FOXJ3: variants seen among roughly 807,000 people sequenced by gnomAD.
FOXJ3 encodes the protein forkhead box J3.
In FOXJ3, 22 loss-of-function variants were observed where a neutral mutation model predicts 76.1. The observed-to-expected ratio is 0.29, with a 90% confidence interval of 0.21 to 0.41. The LOEUF (loss-of-function observed/expected upper bound fraction) is 0.41, where lower values mean the gene tolerates loss of function less well. Ranked by LOEUF, FOXJ3 falls within the 10% of genes least tolerant of loss-of-function variation. The pLI, the probability that FOXJ3 is intolerant of heterozygous loss-of-function variation, is 1.00. For synonymous variants in FOXJ3, 269 were observed against 261.2 expected (o/e 1.03, Z -0.29); for missense variants, 613 against 762.1 (o/e 0.80, Z 2.30).
At chr1:42,333,194 A>G (rs114774978) in intron 1 of FOXJ3, among the ~76,000 whole-genome samples, 1 of 152,194 alleles carries the variant, frequency 6.6e-6, no homozygotes, top group Non-Finnish European at 1.5e-5. Context: ...CTATATTTAA[A>G]TATTTTCATT....
chr1:42,292,922 G>A (rs1449043569), intron 2 of FOXJ3, among the ~76,000 whole-genome samples: 2 of 152,114 alleles, frequency 1.3e-5, no homozygotes, highest in Admixed American at 6.5e-5. Context: ...GCAACATGGT[G>A]AAATCCATTT....
At chr1:42,188,549 C>T (rs762445461) in intron 11 of FOXJ3, among the ~76,000 whole-genome samples, 188 bp downstream of exon 11, 19 of 152,124 alleles carry the variant, frequency 1.2e-4, no homozygotes, top group Non-Finnish European at 2.1e-4. Flanking sequence ...AAAACATAGT[C>T]TCATTACCTC....
chr1:42,243,324 G>T (rs1211378116), intron 4 of FOXJ3, among the ~76,000 whole-genome samples: 1 of 152,040 alleles, frequency 6.6e-6, no homozygotes, highest in African/African-American at 2.4e-5. Flanking sequence ...CCACCAAATT[G>T]CAATAATAAG....
intron 4 of FOXJ3, among the ~76,000 whole-genome samples, chr1:42,264,110 G>C (rs1651290659): frequency 6.6e-6 from 1 of 151,300 alleles, no homozygotes; most frequent in Non-Finnish European, 1.5e-5. Flanking sequence ...CTGAAGTATG[G>C]GGAAACAAAA....
intron 1 of FOXJ3, among the ~76,000 whole-genome samples, chr1:42,328,932 G>A (rs2124794016): frequency 6.6e-6 from 1 of 152,202 alleles, no homozygotes; most frequent in Middle Eastern, 3.4e-3. Flanking sequence ...CTCCCAAGAT[G>A]CTAGGTTTAC....
At chr1:42,271,797 C>T (rs1338006623) in intron 3 of FOXJ3, among the ~76,000 whole-genome samples, 19 of 151,936 alleles carry the variant, frequency 1.3e-4, no homozygotes, top group Admixed American at 1.2e-3. Flanking sequence ...CACAGGGACA[C>T]GCTACCATGC....
At chr1:42,242,939 C>T (rs1313461551) in intron 4 of FOXJ3, among the ~76,000 whole-genome samples, 1 of 117,822 alleles carries the variant, frequency 8.5e-6, no homozygotes, top group African/African-American at 3.0e-5. Flanking sequence ...TCTAAAAAAG[C>T]AAGAAAAAAA....
chr1:42,301,449 C>A (rs1474935204), intron 2 of FOXJ3, among the ~76,000 whole-genome samples: 1 of 152,098 alleles, frequency 6.6e-6, no homozygotes, highest in East Asian at 1.9e-4. Flanking sequence ...GTGATCCACC[C>A]GCCTCCGCCT....
chr1:42,298,277 G>A (rs908375126), intron 2 of FOXJ3, among the ~76,000 whole-genome samples: 1 of 152,142 alleles, frequency 6.6e-6, no homozygotes, highest in East Asian at 1.9e-4. Flanking sequence ...CCAGTCTCAG[G>A]TAGTTCTTTA....
At chr1:42,251,821 C>A (rs1369081610) in intron 4 of FOXJ3, among the ~76,000 whole-genome samples, 1 of 148,214 alleles carries the variant, frequency 6.7e-6, no homozygotes, top group Non-Finnish European at 1.5e-5. Flanking sequence ...CGGGTTCATG[C>A]CATTCTCCTG....
chr1:42,227,937 C>G lies in FOXJ3; in HGVS notation c.474G>C (p.Pro158=). The part of the protein sequence containing the change: ...KGSYWAIDTN[P]KEDVLPTRPK... Reference sequence around the variant, plus strand: ...GCCGAGTAGGCAGCACATCTTCCTTCGGATTGGTGTCTATTGCCCAGTAGG... The same window carrying G: ...GCCGAGTAGGCAGCACATCTTCCTTGGGATTGGTGTCTATTGCCCAGTAGG... Residue 158 remains proline, a synonymous_variant, in exon 5 of 13, where the codon CCG becomes CCC. Coordinates refer to ENST00000361346, the MANE Select transcript of FOXJ3 (RefSeq NM_014947.5). 1 of 1,573,476 alleles carries G rather than the reference C, an allele frequency of 6.4e-7. No individual in the cohort carries two copies. The highest frequency in any genetic ancestry group is 1.2e-5 in the South Asian group (1 of 85,418).
chr1:42,268,071 CA>C (rs890208515), intron 3 of FOXJ3, among the ~76,000 whole-genome samples: 1 of 151,720 alleles, frequency 6.6e-6, no homozygotes, highest in Non-Finnish European at 1.5e-5. Flanking sequence ...CAAGAATCTT[CA>C]AAAAAATAAT....
intron 6 of FOXJ3, among the ~76,000 whole-genome samples, chr1:42,200,035 T>G (rs1322427253): frequency 1.2e-5 from 1 of 84,102 alleles, no homozygotes. Context: ...AAAAGGCAAA[T>G]ATAAAGGAAG....
At chr1:42,180,521 ATTCT>A (rs758761698) in intron 12 of FOXJ3, among the ~76,000 whole-genome samples, 2 of 152,132 alleles carry the variant, frequency 1.3e-5, no homozygotes, top group Non-Finnish European at 2.9e-5. Flanking sequence ...TACTTGTAGA[ATTCT>A]TTCTTTTATT....
intron 1 of FOXJ3, among the ~76,000 whole-genome samples, chr1:42,322,948 A>T (rs1655518635): frequency 6.6e-6 from 1 of 152,150 alleles, no homozygotes. Flanking sequence ...GTTTTGTTTT[A>T]ATATAGAATT....
At chr1:42,212,362 A>G (rs1267980959) in intron 5 of FOXJ3, among the ~76,000 whole-genome samples, 2 of 152,230 alleles carry the variant, frequency 1.3e-5, no homozygotes, top group Non-Finnish European at 2.9e-5. Flanking sequence ...AAAATTTTCT[A>G]AAGAGACAAG....
intron 2 of FOXJ3, among the ~76,000 whole-genome samples, chr1:42,288,829 G>C (rs1653231314): frequency 6.6e-6 from 1 of 152,130 alleles, no homozygotes; most frequent in African/African-American, 2.4e-5. Flanking sequence ...ATATTTAAAA[G>C]ATCTGCAAAA....
intron 11 of FOXJ3, among the ~76,000 whole-genome samples, chr1:42,184,207 T>A (rs1646387530): frequency 6.6e-6 from 1 of 152,076 alleles, no homozygotes; most frequent in African/African-American, 2.4e-5. Context: ...AACTTCCCTG[T>A]CTCTGTCCTT....
chr1:42,306,538 G>A (rs1260280064), intron 2 of FOXJ3, among the ~76,000 whole-genome samples: 5 of 151,798 alleles, frequency 3.3e-5, no homozygotes, highest in African/African-American at 9.7e-5. Context: ...TCCTGACCTC[G>A]TGATCCGCCC....
Sources: gnomAD v4.1 joint callset for allele counts (sites outside exome capture counted in the v4.1 genomes callset) on GRCh38, gnomAD v4.1.1 for gene constraint, MANE v1.5 for transcripts, NCBI Gene and HGNC (gene_info 2026-07-23, HGNC 2026-07-21) for gene names.